Variants in MAML2 observed in about 807,000 individuals in gnomAD.
The protein encoded by MAML2 is mastermind like transcriptional coactivator 2, also known as mastermind-like protein 2.
Under a neutral mutation model 96.1 loss-of-function variants are expected in MAML2, and 22 were observed. That is an observed-to-expected ratio of 0.23 (90% CI 0.16 to 0.33). The LOEUF is 0.33. Ranked by LOEUF, MAML2 falls within the 10% of genes least tolerant of loss-of-function variation. The pLI, the probability that MAML2 is intolerant of heterozygous loss-of-function variation, is 1.00. For missense variants in MAML2, 1,367 were observed against 1,392.4 expected (o/e 0.98, Z 0.29); for synonymous variants, 561 against 521.3 (o/e 1.08, Z -1.04).
At chr11:96,259,038 G>A (rs548016030) in intron 1 of MAML2, among the ~76,000 whole-genome samples, 3 of 152,178 alleles carry the variant, frequency 2.0e-5, no homozygotes, top group African/African-American at 7.2e-5. Context: ...CTTTCAAAGG[G>A]TGAAGACAAA....
chr11:96,202,054 C>A (rs1861830683), intron 1 of MAML2, among the ~76,000 whole-genome samples: 1 of 150,750 alleles, frequency 6.6e-6, no homozygotes, highest in African/African-American at 2.4e-5. Flanking sequence ...TATGTTTCGG[C>A]CGGGCATGGT....
chr11:96,238,275 A>C (rs1862390865), intron 1 of MAML2, among the ~76,000 whole-genome samples: 1 of 152,236 alleles, frequency 6.6e-6, no homozygotes, highest in Admixed American at 6.5e-5. Context: ...GGCTTGTATA[A>C]AGGAGGAGAG....
At chr11:96,137,917 CCCTTTCCAT>C (rs1189475446) in intron 1 of MAML2, among the ~76,000 whole-genome samples, 1 of 152,038 alleles carries the variant, frequency 6.6e-6, no homozygotes, top group Non-Finnish European at 1.5e-5. Flanking sequence ...AAATAATTCC[CCCTTTCCAT>C]CCTTTTCCCC....
In MAML2 at chr11:95,986,199, TTTTGTTTG is replaced by T. The variant is rs368526623; in HGVS notation, c.2344-565_2344-558del. Among the ~76,000 whole-genome samples the T allele has an allele frequency of 1.1e-4, 17 of 152,112 alleles. No individual in the cohort carries two copies. In the South Asian group the frequency reaches 3.5e-3, roughly 32 times the overall value. ...GTAGGTATTCTGTATTCTTATTTGT[TTTTGTTTG>T]TTTGTTTGTTTGTTTGAGATGGAGT... is the stretch of plus-strand genomic sequence containing the variant. On this transcript the variant is annotated intron_variant, in intron 3 of 4. Coordinates refer to ENST00000524717, the MANE Select transcript of MAML2 (RefSeq NM_032427.4).
intron 2 of MAML2, among the ~76,000 whole-genome samples, chr11:96,006,859 C>T (rs1858186848): frequency 7.1e-6 from 1 of 141,088 alleles, no homozygotes; most frequent in Non-Finnish European, 1.5e-5. Flanking sequence ...CACGCCTGGC[C>T]AGGAATATCT....
chr11:96,062,798 C>G (rs1025982062), intron 2 of MAML2, among the ~76,000 whole-genome samples: 5 of 152,108 alleles, frequency 3.3e-5, no homozygotes, highest in Non-Finnish European at 7.4e-5. Context: ...AATTTTGTAC[C>G]TAAGAACATT....
At chr11:96,233,788 T>C (rs72975996) in intron 1 of MAML2, among the ~76,000 whole-genome samples, 22,403 of 152,210 alleles carry the variant, frequency 0.15, 1,729 homozygotes, top group South Asian at 0.2. Flanking sequence ...CCAGTTGTGA[T>C]ACATCACCTC....
intron 1 of MAML2, among the ~76,000 whole-genome samples, chr11:96,302,513 A>G (rs1410878429): frequency 6.6e-6 from 1 of 152,180 alleles, no homozygotes; most frequent in Non-Finnish European, 1.5e-5. Context: ...AAGACATACT[A>G]AAGAAACTCT....
chr11:96,090,023 G>A (rs1272270638), intron 2 of MAML2, among the ~76,000 whole-genome samples: 1 of 150,092 alleles, frequency 6.7e-6, no homozygotes, highest in African/African-American at 2.4e-5. Flanking sequence ...GGAAATAATG[G>A]CATTTCCCTC....
At chr11:96,271,428 G>T (rs115231919) in intron 1 of MAML2, among the ~76,000 whole-genome samples, 182 of 152,220 alleles carry the variant, frequency 1.2e-3, no homozygotes, top group African/African-American at 4.2e-3. Flanking sequence ...GATATAGTTT[G>T]GCTTGGCCCC....
chr11:96,123,748 AG>A (rs1860389371), intron 1 of MAML2, among the ~76,000 whole-genome samples: 1 of 152,118 alleles, frequency 6.6e-6, no homozygotes, highest in Non-Finnish European at 1.5e-5. Flanking sequence ...TGGGGAAGGG[AG>A]GGAGGAGGAC....
At chr11:96,220,000 T>C (rs1031572404) in intron 1 of MAML2, among the ~76,000 whole-genome samples, 1 of 152,204 alleles carries the variant, frequency 6.6e-6, no homozygotes, top group African/African-American at 2.4e-5. Flanking sequence ...GATGCATGTA[T>C]AGTGTTAACT....
At chr11:96,166,722 G>C (rs1861201213) in intron 1 of MAML2, among the ~76,000 whole-genome samples, 1 of 152,216 alleles carries the variant, frequency 6.6e-6, no homozygotes, top group South Asian at 2.1e-4. Context: ...CAAAGGTACT[G>C]TCTGTTTTAG....
intron 2 of MAML2, among the ~76,000 whole-genome samples, chr11:96,071,603 C>G (rs1859345357): frequency 6.6e-6 from 1 of 152,202 alleles, no homozygotes; most frequent in Admixed American, 6.5e-5. Context: ...TTGGAATTCT[C>G]AAATGAGAAG....
chr11:96,091,373 G>A (rs1377431634), intron 2 of MAML2, among the ~76,000 whole-genome samples: 5 of 152,144 alleles, frequency 3.3e-5, no homozygotes, highest in Non-Finnish European at 7.4e-5. Flanking sequence ...GCTGATATTC[G>A]GTCCACATGC....
Position 96,130,854 on chromosome 11 carries a change from T to A in MAML2, c.514-37337A>T, listed in dbSNP as rs1860537172. On this transcript the variant is annotated intron_variant, in intron 1 of 4. Transcript: ENST00000524717. The stretch of plus-strand genomic sequence containing the variant: ...ATACGCTTCCTATTAACTTCTACCC[T>A]TTGTCCTACACCAATTGTCTAGGAC... Among the ~76,000 whole-genome samples, 4 of 152,182 alleles carry A rather than the reference T, an allele frequency of 2.6e-5. No individual in the cohort carries two copies. The South Asian group carries it at 8.3e-4, about 32-fold the overall frequency.
At chr11:96,248,801 T>C (rs1862544225) in intron 1 of MAML2, among the ~76,000 whole-genome samples, 1 of 152,252 alleles carries the variant, frequency 6.6e-6, no homozygotes, top group Admixed American at 6.5e-5. Flanking sequence ...ATTTCATTTC[T>C]TATGGATCTA....
intron 2 of MAML2, among the ~76,000 whole-genome samples, chr11:96,013,157 T>C (rs889748475): frequency 6.6e-6 from 1 of 152,208 alleles, no homozygotes; most frequent in Non-Finnish European, 1.5e-5. Flanking sequence ...CAAGGGTTAA[T>C]TGAAATTTTT....
chr11:96,019,393 G>A (rs573674661), intron 2 of MAML2, among the ~76,000 whole-genome samples: 1 of 152,096 alleles, frequency 6.6e-6, no homozygotes, highest in South Asian at 2.1e-4. Flanking sequence ...GTAGGGTTTG[G>A]TCTTTAATAC....
Sources: gnomAD v4.1 joint callset for allele counts (sites outside exome capture counted in the v4.1 genomes callset) on GRCh38, gnomAD v4.1.1 for gene constraint, MANE v1.5 for transcripts, NCBI Gene and HGNC (gene_info 2026-07-23, HGNC 2026-07-21) for gene names.